CNTNAP2: variants seen among roughly 807,000 people sequenced by gnomAD.
The protein encoded by CNTNAP2 is contactin-associated protein-like 2.
CNTNAP2 carries 98 observed loss-of-function variants against 155.2 expected under a neutral mutation model. The ratio of observed to expected loss-of-function variants is 0.63; its 90% CI spans 0.54 to 0.75. CNTNAP2 has a LOEUF of 0.75. CNTNAP2 is among the 30% of genes least tolerant of loss of function. The pLI is 0.00. For missense variants in CNTNAP2, 1,727 were observed against 1,688.1 expected (o/e 1.02, Z -0.40); for synonymous variants, 651 against 631.2 (o/e 1.03, Z -0.47).
chr7:146,432,621 A>C (rs1296806012), intron 1 of CNTNAP2, among the ~76,000 whole-genome samples: 2 of 152,134 alleles, frequency 1.3e-5, no homozygotes, highest in Non-Finnish European at 2.9e-5. Context: ...TTCTAAAAAA[A>C]CTCTGCCACT....
At chr7:147,163,644 T>TTATC (rs33985282) in intron 8 of CNTNAP2, among the ~76,000 whole-genome samples, 5,443 of 151,626 alleles carry the variant, frequency 0.036, 294 homozygotes, top group African/African-American at 0.12. Context: ...AAATTTAACT[T>TTATC]TAAGTCAGGC....
chr7:146,900,474 C>CA (rs1268242671), intron 3 of CNTNAP2, among the ~76,000 whole-genome samples: 2 of 152,172 alleles, frequency 1.3e-5, no homozygotes, highest in African/African-American at 4.8e-5. Flanking sequence ...ACCCCATCCC[C>CA]AACTGTTCTA....
At chr7:146,652,340 T>C (rs1799928975) in intron 1 of CNTNAP2, among the ~76,000 whole-genome samples, 1 of 152,120 alleles carries the variant, frequency 6.6e-6, no homozygotes, top group Non-Finnish European at 1.5e-5. Flanking sequence ...CCTACGACTG[T>C]TGGTTCTCTG....
chr7:147,596,074 T>C (rs13242318), intron 12 of CNTNAP2, among the ~76,000 whole-genome samples: 3 of 152,348 alleles, frequency 2.0e-5, no homozygotes, highest in Admixed American at 6.5e-5. Context: ...TTATATCTTG[T>C]TGTTTACCAG....
intron 2 of CNTNAP2, among the ~76,000 whole-genome samples, chr7:146,803,434 T>C (rs933747319): frequency 3.3e-5 from 5 of 152,282 alleles, no homozygotes; most frequent in African/African-American, 7.2e-5. Context: ...AACAATCCCC[T>C]AGTGCACATA....
intron 9 of CNTNAP2, among the ~76,000 whole-genome samples, chr7:147,330,426 T>C (rs1795538591): frequency 6.6e-6 from 1 of 152,322 alleles, no homozygotes; most frequent in South Asian, 2.1e-4. Flanking sequence ...TGAGATACTC[T>C]AGCAAATTAT....
intron 14 of CNTNAP2, among the ~76,000 whole-genome samples, chr7:147,944,922 C>G (rs1228689664): frequency 6.6e-6 from 1 of 152,142 alleles, no homozygotes; most frequent in East Asian, 1.9e-4. Flanking sequence ...GGGCTTGGCA[C>G]TGCTTAGAAC....
intron 9 of CNTNAP2, among the ~76,000 whole-genome samples, chr7:147,331,621 A>T (rs1198972449): frequency 6.6e-6 from 1 of 152,110 alleles, no homozygotes; most frequent in Non-Finnish European, 1.5e-5. Context: ...AATGAGACTT[A>T]GAAAAAGCAG....
At chr7:146,438,079 A>G (rs1584925546) in intron 1 of CNTNAP2, among the ~76,000 whole-genome samples, 2 of 151,418 alleles carry the variant, frequency 1.3e-5, no homozygotes, top group East Asian at 1.9e-4. Flanking sequence ...CTAGGAGTTC[A>G]GGGTTTGCTA....
intron 3 of CNTNAP2, among the ~76,000 whole-genome samples, chr7:146,918,224 T>C (rs904192675): frequency 6.6e-6 from 1 of 152,176 alleles, no homozygotes; most frequent in Non-Finnish European, 1.5e-5. Context: ...CATCATGTTA[T>C]TTGTTTCCTG....
chr7:147,603,099 C>G (rs1340280043), intron 12 of CNTNAP2, among the ~76,000 whole-genome samples: 2 of 151,472 alleles, frequency 1.3e-5, no homozygotes, highest in African/African-American at 4.9e-5. Context: ...TACAGTCCCA[C>G]CAACAGTGTA....
At chr7:146,972,217 T>C (rs560777072) in intron 3 of CNTNAP2, among the ~76,000 whole-genome samples, 1 of 152,326 alleles carries the variant, frequency 6.6e-6, no homozygotes, top group East Asian at 1.9e-4. Flanking sequence ...TATGATTTTA[T>C]CAATCTTTAA....
chr7:146,614,061 A>T (rs1355337392), intron 1 of CNTNAP2, among the ~76,000 whole-genome samples: 1 of 152,148 alleles, frequency 6.6e-6, no homozygotes, highest in Non-Finnish European at 1.5e-5. Flanking sequence ...TATCTCTTTG[A>T]TACATTTAAA....
chr7:148,077,910 T>C (rs1014616975), intron 15 of CNTNAP2, among the ~76,000 whole-genome samples: 1 of 152,212 alleles, frequency 6.6e-6, no homozygotes, highest in Non-Finnish European at 1.5e-5. Flanking sequence ...CTTACCAGTT[T>C]TACTGCCAAA....
chr7:146,246,087 T>C (rs950548390), intron 1 of CNTNAP2, among the ~76,000 whole-genome samples: 18 of 152,042 alleles, frequency 1.2e-4, no homozygotes, highest in Admixed American at 4.6e-4. Flanking sequence ...AGGCAAGTGA[T>C]AGCAGGCTTT....
chr7:147,832,945 A>G (rs192996343), intron 13 of CNTNAP2, among the ~76,000 whole-genome samples: 2 of 150,408 alleles, frequency 1.3e-5, no homozygotes, highest in East Asian at 3.9e-4. Flanking sequence ...GTCAGACTCT[A>G]CATGAAAGGA....
At chr7:146,840,317 AC>A in intron 3 of CNTNAP2, among the ~76,000 whole-genome samples, 1 of 152,350 alleles carries the variant, frequency 6.6e-6, no homozygotes, top group East Asian at 1.9e-4. Flanking sequence ...TAAGAAAAGA[AC>A]TTGTCCATTT....
At chr7:147,256,870 C>T (rs565822247) in intron 8 of CNTNAP2, among the ~76,000 whole-genome samples, 3 of 150,858 alleles carry the variant, frequency 2.0e-5, no homozygotes, top group South Asian at 4.2e-4. Flanking sequence ...ACAGGACTGA[C>T]GTTGAGTGAA....
At chr7:147,575,510 A>T (rs2373102) in intron 12 of CNTNAP2, among the ~76,000 whole-genome samples, 3 of 136,130 alleles carry the variant, frequency 2.2e-5, no homozygotes, top group East Asian at 2.3e-4. Context: ...GGGGTATACA[A>T]CTGTGTGTGT....
Sources: allele counts gnomAD v4.1 joint callset (sites outside exome capture counted in the v4.1 genomes callset), GRCh38; gene constraint gnomAD v4.1.1; transcripts MANE v1.5; gene names NCBI Gene and HGNC (gene_info 2026-07-23, HGNC 2026-07-21).